MREG: variants seen among roughly 807,000 people sequenced by gnomAD.
MREG encodes the protein dilute suppressor protein homolog.
MREG carries 31 observed loss-of-function variants against 28.5 expected under a neutral mutation model. The ratio of observed to expected loss-of-function variants is 1.09; its 90% CI spans 0.82 to 1.47. The LOEUF (loss-of-function observed/expected upper bound fraction) is 1.47, where lower values mean the gene tolerates loss of function less well. MREG is among the 40% of genes most tolerant of loss of function. The pLI is 0.00. For missense variants in MREG, 256 were observed against 257.4 expected, an observed-to-expected ratio of 0.99 and a Z score of 0.04; for synonymous variants, 106 against 95.2, an observed-to-expected ratio of 1.11 and a Z score of -0.66.
intron 2 of MREG, among the ~76,000 whole-genome samples, chr2:215,976,945 A>C (rs188025948): frequency 6.6e-6 from 1 of 152,200 alleles, no homozygotes; most frequent in African/African-American, 2.4e-5. Context: ...GTAAAGACCA[A>C]GGATGCTAGG....
intron 2 of MREG, among the ~76,000 whole-genome samples, chr2:215,967,857 G>A (rs965409931): frequency 4.6e-5 from 7 of 152,162 alleles, no homozygotes; most frequent in African/African-American, 1.7e-4. Flanking sequence ...AGTGTGAAGG[G>A]AAATGTAGCA....
At chr2:215,986,177 T>C (rs960315613) in intron 2 of MREG, among the ~76,000 whole-genome samples, 1 of 152,248 alleles carries the variant, frequency 6.6e-6, no homozygotes, top group Non-Finnish European at 1.5e-5. Flanking sequence ...AGCTATCTCC[T>C]ACTGGAAAGA....
intron 2 of MREG, among the ~76,000 whole-genome samples, chr2:215,995,511 C>G (rs867989560): frequency 2.2e-5 from 3 of 136,186 alleles, no homozygotes; most frequent in South Asian, 2.3e-4. Flanking sequence ...CCCACCCCAC[C>G]CCCCGCCACC....
intron 3 of MREG, among the ~76,000 whole-genome samples, chr2:215,946,772 C>T (rs1225975348): frequency 2.6e-5 from 4 of 152,220 alleles, no homozygotes; most frequent in Non-Finnish European, 5.9e-5. Flanking sequence ...CACTGGCATG[C>T]GTACCCTATA....
rs67462853 is a variant in MREG at position 215,949,035 on chromosome 2, TCTACTACTACTACTA to T, written c.256-1937_256-1923del. Among the ~76,000 whole-genome samples the T allele has an allele frequency of 7.0e-3, 922 of 131,054 alleles. 18 individuals carry two copies. The highest frequency in any genetic ancestry group is 0.065 in the East Asian group (277 of 4,270). The allele number at this position is 131,054 out of a possible 152,430, so 86.0% of individuals were successfully genotyped here. ...CTGGCCAGCATGGCAAAACCCTGTC[TCTACTACTACTACTA>T]CTACTACTACTACTACTACTACTAC... On this transcript the variant is annotated intron_variant, in intron 2 of 4. Transcript: ENST00000263268.
chr2:215,977,997 A>G (rs1031825437), intron 2 of MREG, among the ~76,000 whole-genome samples: 1 of 152,190 alleles, frequency 6.6e-6, no homozygotes, highest in African/African-American at 2.4e-5. Context: ...AAACAAATTC[A>G]AAAGCTAGCA....
At chr2:216,034,042 G>A (rs1189794303), upstream of MREG, 1 of 152,094 alleles carries the variant, frequency 6.6e-6, no homozygotes, top group Non-Finnish European at 1.5e-5. Flanking sequence ...TGAAATCCTT[G>A]TAAACAAGGA....
chr2:216,007,372 C>G (rs1367011191), intron 1 of MREG, among the ~76,000 whole-genome samples: 2 of 152,096 alleles, frequency 1.3e-5, no homozygotes, highest in Non-Finnish European at 2.9e-5. Flanking sequence ...AGATTGGAAA[C>G]AAGCGTCCTT....
intron 1 of MREG, among the ~76,000 whole-genome samples, chr2:216,029,615 CT>C (rs1480094060): frequency 6.6e-6 from 1 of 152,260 alleles, no homozygotes; most frequent in Non-Finnish European, 1.5e-5. Flanking sequence ...TGTTATCCCT[CT>C]TTCCAGAGTT....
At chr2:215,981,420 T>C (rs904889046) in intron 2 of MREG, among the ~76,000 whole-genome samples, 1 of 152,214 alleles carries the variant, frequency 6.6e-6, no homozygotes, top group South Asian at 2.1e-4. Flanking sequence ...GGACAAATAC[T>C]GCATGATTCC....
chr2:216,008,295 A>C (rs1694214140), intron 1 of MREG, among the ~76,000 whole-genome samples: 2 of 152,162 alleles, frequency 1.3e-5, no homozygotes, highest in South Asian at 4.1e-4. Context: ...CACTGTTGTA[A>C]ATGCTTTGTA....
At chr2:215,963,256 TC>T (rs1200037890) in intron 2 of MREG, among the ~76,000 whole-genome samples, 1 of 151,842 alleles carries the variant, frequency 6.6e-6, no homozygotes, top group Non-Finnish European at 1.5e-5. Flanking sequence ...TCTCAGGAGT[TC>T]AGACCAGCCT....
chr2:216,031,394 GAGAAAGGA>G (rs568088933), intron 1 of MREG, among the ~76,000 whole-genome samples: 171 of 144,018 alleles, frequency 1.2e-3, no homozygotes, highest in Middle Eastern at 6.9e-3. Context: ...GCAACAGAGT[GAGAAAGGA>G]AGAAAGGAAG....
rs58937716 is a variant in MREG at position 215,975,008 on chromosome 2, TTATA to T, written c.255+21294_255+21297del. On this transcript the variant is annotated intron_variant, in intron 2 of 4. Coordinates refer to ENST00000263268, the MANE Select transcript of MREG (RefSeq NM_018000.3). ...GGGAGAGAATTTTATTTTATATGAA[TTATA>T]TATATATATATATATGAAATAATAC... Among the ~76,000 whole-genome samples, 10 of 106,612 alleles carry T rather than the reference TTATA, an allele frequency of 9.4e-5. 1 individual carries two copies. The highest frequency in any genetic ancestry group is 2.9e-4 in the South Asian group (1 of 3,400). 69.9% of individuals were successfully genotyped at this position (106,612 alleles called of 152,430 possible).
chr2:215,956,463 T>G (rs1166479875), intron 2 of MREG, among the ~76,000 whole-genome samples: 1 of 152,064 alleles, frequency 6.6e-6, no homozygotes, highest in Non-Finnish European at 1.5e-5. Context: ...ATACAGAAAA[T>G]AATATATATA....
chr2:215,979,392 G>A (rs1693349202), intron 2 of MREG, among the ~76,000 whole-genome samples: 1 of 151,524 alleles, frequency 6.6e-6, no homozygotes, highest in Non-Finnish European at 1.5e-5. Flanking sequence ...GAACCCGGGA[G>A]GCGGAGATTG....
chr2:215,949,217 C>T (rs954254801), intron 2 of MREG, among the ~76,000 whole-genome samples: 8 of 149,368 alleles, frequency 5.4e-5, no homozygotes, highest in Non-Finnish European at 1.0e-4. Flanking sequence ...GCGCAGAGAT[C>T]GCACCACTGC....
intron 2 of MREG, among the ~76,000 whole-genome samples, chr2:215,951,545 C>T (rs1692485459): frequency 6.6e-6 from 1 of 151,986 alleles, no homozygotes; most frequent in Admixed American, 6.6e-5. Flanking sequence ...AATGTGATGC[C>T]GTGGCCCTGA....
At chr2:216,003,536 T>C (rs1380611977) in intron 1 of MREG, among the ~76,000 whole-genome samples, 7 of 152,140 alleles carry the variant, frequency 4.6e-5, no homozygotes, top group Admixed American at 3.9e-4. Context: ...TTAAACATCA[T>C]CTACATGAGG....
Sources: allele counts gnomAD v4.1 joint callset (sites outside exome capture counted in the v4.1 genomes callset), GRCh38; gene constraint gnomAD v4.1.1; transcripts MANE v1.5; gene names NCBI Gene and HGNC (gene_info 2026-07-23, HGNC 2026-07-21).